The following CEP128 variants were observed in gnomAD, a reference collection of about 807,000 sequenced individuals.
CEP128 encodes centrosomal protein 128kDa.
In CEP128, 132 loss-of-function variants were observed where a neutral mutation model predicts 156.7. The ratio of observed to expected loss-of-function variants is 0.84; its 90% CI spans 0.73 to 0.97. The LOEUF (loss-of-function observed/expected upper bound fraction) is 0.97, where lower values mean the gene tolerates loss of function less well. CEP128 is among the 50% of genes least tolerant of loss of function. The probability of loss-of-function intolerance (pLI) is 0.00; values close to 1 mark genes in which losing one functional copy is unlikely to be tolerated. For missense variants in CEP128, 1,252 were observed against 1,281.9 expected (o/e 0.98, Z 0.36); for synonymous variants, 469 against 448.9 (o/e 1.04, Z -0.57).
intron 24 of CEP128, among the ~76,000 whole-genome samples, chr14:80,503,308 C>T (rs544818367): frequency 6.6e-6 from 1 of 152,202 alleles, no homozygotes; most frequent in East Asian, 1.9e-4. Flanking sequence ...CAGTGTATAT[C>T]TATAGAAACC....
At chr14:80,840,487 G>A (rs959437695) in intron 10 of CEP128, among the ~76,000 whole-genome samples, 195 bp downstream of exon 10, 13 of 152,066 alleles carry the variant, frequency 8.5e-5, no homozygotes, top group Admixed American at 5.9e-4. Flanking sequence ...TGACAAGGTA[G>A]CAAACAACTT....
At chr14:80,480,292 T>C (rs769629737) in intron 14 of CEP128, among the ~76,000 whole-genome samples, 18 of 152,202 alleles carry the variant, frequency 1.2e-4, no homozygotes, top group Non-Finnish European at 2.2e-4. Context: ...TGCCTGGGCA[T>C]CCAGGTGTTT....
chr14:80,593,436 G>C (rs1892170682), intron 19 of CEP128, among the ~76,000 whole-genome samples: 1 of 151,374 alleles, frequency 6.6e-6, no homozygotes, highest in Non-Finnish European at 1.5e-5. Context: ...AGCTACTCGG[G>C]TGACTGAGGC....
intron 19 of CEP128, among the ~76,000 whole-genome samples, chr14:80,629,834 A>G (rs1893890109): frequency 6.6e-6 from 1 of 151,992 alleles, no homozygotes; most frequent in Non-Finnish European, 1.5e-5. Flanking sequence ...AGTCCTAGGA[A>G]TAACATGAGA....
In CEP128 at chr14:80,590,568, T is replaced by C. The variant is rs187098567; in HGVS notation, c.2807-10145A>G. On this transcript the variant is annotated intron_variant, in intron 19 of 24. Coordinates refer to ENST00000555265, the MANE Select transcript of CEP128 (RefSeq NM_152446.5). Reference sequence around the variant, plus strand: ...AGGAAGAAAAATTAAGATAATTTATTGTCATCAGACCTATCCTGAAGAATG... The same window carrying C: ...AGGAAGAAAAATTAAGATAATTTATCGTCATCAGACCTATCCTGAAGAATG... Among the ~76,000 whole-genome samples, 14 of 152,056 alleles carry C rather than the reference T, an allele frequency of 9.2e-5. No homozygotes were observed. In the East Asian group the frequency reaches 1.2e-3, roughly 13 times the overall value.
chr14:80,945,024 C>CATG (rs1313816064), upstream of CEP128, among the ~76,000 whole-genome samples: 4 of 152,010 alleles, frequency 2.6e-5, no homozygotes, highest in African/African-American at 9.7e-5. Context: ...ACAGAGGTTA[C>CATG]ATGATGTATT....
intron 6 of CEP128, among the ~76,000 whole-genome samples, chr14:80,901,758 T>G (rs977188731): frequency 2.0e-5 from 3 of 152,186 alleles, no homozygotes; most frequent in Admixed American, 2.0e-4. Context: ...ATGCTTTTAA[T>G]TCTACCTCCT....
At chr14:80,908,173 T>C (rs1883998712) in intron 4 of CEP128, among the ~76,000 whole-genome samples, 1 of 152,186 alleles carries the variant, frequency 6.6e-6, no homozygotes, top group Admixed American at 6.5e-5. Context: ...TTTATTTGTA[T>C]TTATCCCATT....
chr14:80,589,467 T>G (rs925357155), intron 19 of CEP128, among the ~76,000 whole-genome samples: 12 of 152,114 alleles, frequency 7.9e-5, no homozygotes, highest in Non-Finnish European at 1.5e-5. Context: ...ATGAAAGCCT[T>G]GTGAAGAAAC....
At chr14:80,744,001 G>T (rs893786060) in intron 18 of CEP128, among the ~76,000 whole-genome samples, 1 of 151,750 alleles carries the variant, frequency 6.6e-6, no homozygotes, top group East Asian at 1.9e-4. Context: ...CTCCTCAGTA[G>T]CTGGGACTAC....
intron 19 of CEP128, among the ~76,000 whole-genome samples, chr14:80,628,483 T>C (rs1317651853): frequency 1.3e-5 from 2 of 152,224 alleles, no homozygotes; most frequent in Non-Finnish European, 2.9e-5. Flanking sequence ...TGAACTGACA[T>C]GACTTTAACA....
intron 15 of CEP128, among the ~76,000 whole-genome samples, chr14:80,780,863 T>TG (rs1901071359): frequency 6.6e-6 from 1 of 152,214 alleles, no homozygotes; most frequent in Non-Finnish European, 1.5e-5. Context: ...TTAGATCTAA[T>TG]GCCTGTCCCT....
At chr14:80,628,580 G>A (rs988044327) in intron 19 of CEP128, among the ~76,000 whole-genome samples, 16 of 152,178 alleles carry the variant, frequency 1.1e-4, no homozygotes, top group Admixed American at 3.3e-4. Context: ...AAAAGCGTCC[G>A]CACAACTACC....
At chr14:80,557,067 G>T (rs548607947) in intron 21 of CEP128, among the ~76,000 whole-genome samples, 3 of 152,156 alleles carry the variant, frequency 2.0e-5, no homozygotes, top group Non-Finnish European at 2.9e-5. Context: ...TTAAAATCTA[G>T]TCCTTTAATC....
At chr14:80,654,250 T>G (rs1379321349) in intron 19 of CEP128, among the ~76,000 whole-genome samples, 2 of 152,010 alleles carry the variant, frequency 1.3e-5, no homozygotes, top group African/African-American at 2.4e-5. Flanking sequence ...GTACTTATTA[T>G]TTCTGATTCA....
At chr14:80,726,981 T>C (rs2139495072) in intron 19 of CEP128, among the ~76,000 whole-genome samples, 1 of 152,276 alleles carries the variant, frequency 6.6e-6, no homozygotes, top group South Asian at 2.1e-4. Context: ...TACAAAATTG[T>C]TAATGAAAAA....
intron 19 of CEP128, among the ~76,000 whole-genome samples, chr14:80,706,422 C>CGTGT (rs577805763): frequency 1.3e-5 from 2 of 150,318 alleles, no homozygotes; most frequent in Non-Finnish European, 3.0e-5. Context: ...TACTTGTACT[C>CGTGT]GTGTGTGTGT....
At chr14:80,584,050 C>A (rs1047702381) in intron 19 of CEP128, among the ~76,000 whole-genome samples, 3 of 151,974 alleles carry the variant, frequency 2.0e-5, no homozygotes, top group African/African-American at 7.3e-5. Context: ...TTAATTGCAC[C>A]CTTCTTCATA....
intron 19 of CEP128, among the ~76,000 whole-genome samples, chr14:80,623,482 TAAAC>T (rs993765561): frequency 3.3e-5 from 5 of 151,450 alleles, no homozygotes; most frequent in African/African-American, 9.7e-5. Flanking sequence ...AATAAATAAA[TAAAC>T]AAACTGAAAA....
Sources: gnomAD v4.1 joint callset for allele counts (sites outside exome capture counted in the v4.1 genomes callset) on GRCh38, gnomAD v4.1.1 for gene constraint, MANE v1.5 for transcripts, NCBI Gene and HGNC (gene_info 2026-07-23, HGNC 2026-07-21) for gene names.